NDUFA9: variants seen among roughly 807,000 people sequenced by gnomAD.
The protein encoded by NDUFA9 is NADH dehydrogenase [ubiquinone] 1 alpha subcomplex subunit 9, mitochondrial.
In NDUFA9, 23 loss-of-function variants were observed where a neutral mutation model predicts 45.9. The observed-to-expected ratio is 0.50, with a 90% CI of 0.36 to 0.71. NDUFA9 has a LOEUF of 0.71. Ranked by LOEUF, NDUFA9 falls within the 30% of genes least tolerant of loss-of-function variation. NDUFA9 has a pLI of 0.00. For synonymous variants in NDUFA9, 176 were observed against 170.5 expected (o/e 1.03, Z -0.25); for missense variants, 466 against 488.2 (o/e 0.95, Z 0.43).
At chr12:4,660,119 A>G (rs370990783) in intron 5 of NDUFA9, among the ~76,000 whole-genome samples, 17 of 152,182 alleles carry the variant, frequency 1.1e-4, no homozygotes, top group African/African-American at 4.1e-4. Context: ...AGATGATAGT[A>G]CTGTTGAATA....
chr12:4,670,787 A>G (rs1487626467), intron 8 of NDUFA9, among the ~76,000 whole-genome samples: 1 of 152,238 alleles, frequency 6.6e-6, no homozygotes, highest in East Asian at 1.9e-4. Flanking sequence ...TAAGAATTAC[A>G]ATTCAATATA....
chr12:4,677,116 G>T (rs111276019), intron 8 of NDUFA9, among the ~76,000 whole-genome samples: 1 of 152,078 alleles, frequency 6.6e-6, no homozygotes, highest in East Asian at 1.9e-4. Flanking sequence ...AGCTGAAACT[G>T]GATCCTTTCC....
intron 4 of NDUFA9, 68 bp from the exon 5 acceptor site, chr12:4,658,968 T>C: frequency 6.9e-7 from 1 of 1,444,992 alleles, no homozygotes; most frequent in Non-Finnish European, 9.5e-7. Flanking sequence ...AAAACCATCT[T>C]ATCACGTAAA....
chr12:4,680,942 C>A (rs371807212), intron 8 of NDUFA9, among the ~76,000 whole-genome samples: 1 of 152,046 alleles, frequency 6.6e-6, no homozygotes, highest in South Asian at 2.1e-4. Flanking sequence ...TGGAATAGAG[C>A]GGAACGTTCA....
At chr12:4,662,930 A>G (rs1945831928) in intron 6 of NDUFA9, among the ~76,000 whole-genome samples, 1 of 152,196 alleles carries the variant, frequency 6.6e-6, no homozygotes, top group Non-Finnish European at 1.5e-5. Flanking sequence ...ATCACATGGA[A>G]TAGTTTCTCT....
intron 7 of NDUFA9, among the ~76,000 whole-genome samples, chr12:4,669,478 G>C (rs1448939466): frequency 6.6e-6 from 1 of 152,160 alleles, no homozygotes; most frequent in Non-Finnish European, 1.5e-5. Flanking sequence ...GATGAGCCTT[G>C]GATTATGCGT....
chr12:4,691,145 T>A lies in NDUFA9; in HGVS notation c.*4037T>A, dbSNP rs1362637546. The A allele has an allele frequency of 6.6e-6, 1 of 152,192 alleles. No individual in the cohort carries two copies. Among genetic ancestry groups the A allele is most frequent in the Non-Finnish European group, 1.5e-5 (1 of 68,038 alleles). The allele number at this position is 152,192 out of a possible 1,614,324, so 9.4% of individuals were successfully genotyped here. A position where few individuals can be genotyped will look rare whatever the true frequency, so the allele number is the denominator to read the frequency against. ...TTGACCTCTCTTTGTCAGCCTCAGTTTTCTTGTTTATAAAATGGGGGTGAT... is the reference window on the plus strand; with the variant it reads ...TTGACCTCTCTTTGTCAGCCTCAGTATTCTTGTTTATAAAATGGGGGTGAT... On this transcript the variant is annotated 3_prime_UTR_variant, in exon 11 of 11. Transcript: ENST00000266544.
At position 4,673,512 on chromosome 12, in the gene NDUFA9, C is replaced by T. The variant is rs143227350; in HGVS notation, c.800+3695C>T. On this transcript the variant is annotated intron_variant, in intron 8 of 10. Coordinates refer to ENST00000266544, the MANE Select transcript of NDUFA9 (RefSeq NM_005002.5). ...CCTGATGGAGCTGAAAAACACAGCA[C>T]GAGAACTTTGTGAAGCATACACAAG... 7.1e-3 allele frequency among the ~76,000 whole-genome samples: 1,077 copies of T among 152,242 alleles called. 9 individuals carry two copies. The highest frequency in any genetic ancestry group is 0.025 in the African/African-American group (1,036 of 41,518).
intron 1 of NDUFA9, among the ~76,000 whole-genome samples, chr12:4,652,247 C>A (rs1289696816): frequency 6.6e-6 from 1 of 152,176 alleles, no homozygotes. Context: ...CATTCCCTTT[C>A]CTGAATCAGT....
intron 5 of NDUFA9, among the ~76,000 whole-genome samples, chr12:4,661,285 A>G (rs1397258841): frequency 6.6e-6 from 1 of 152,176 alleles, no homozygotes. Flanking sequence ...TAGAAGGCAG[A>G]GTCATTTACT....
In NDUFA9 at chr12:4,690,419, T is replaced by C. The variant is rs1946012975; in HGVS notation, c.*3311T>C. ...TCATCCTAATGACAAAAATAAGTTC[T>C]ATGGGCTGGGCGCGGTGGCTCTTGC... On this transcript the variant is annotated 3_prime_UTR_variant, in exon 11 of 11. Coordinates refer to ENST00000266544, the MANE Select transcript of NDUFA9 (RefSeq NM_005002.5). The C allele has an allele frequency of 6.6e-6, 1 of 152,240 alleles. No homozygotes were observed. The highest frequency in any genetic ancestry group is 2.4e-5 in the African/African-American group (1 of 41,450). The allele number at this position is 152,240 out of a possible 1,614,324, so 9.4% of individuals were successfully genotyped here. A position where few individuals can be genotyped will look rare whatever the true frequency, so the allele number is the denominator to read the frequency against.
intron 5 of NDUFA9, among the ~76,000 whole-genome samples, chr12:4,659,963 ATAAG>A (rs1945814459): frequency 6.6e-6 from 1 of 152,214 alleles, no homozygotes; most frequent in Non-Finnish European, 1.5e-5. Context: ...TAGAGAGAAA[ATAAG>A]AGAGAGAATG....
At chr12:4,672,270 C>T (rs1945891820) in intron 8 of NDUFA9, among the ~76,000 whole-genome samples, 1 of 152,226 alleles carries the variant, frequency 6.6e-6, no homozygotes, top group Non-Finnish European at 1.5e-5. Context: ...GCCCATGCCA[C>T]CAGGGCCCTG....
chr12:4,664,049 T>A (rs867325352), intron 6 of NDUFA9, among the ~76,000 whole-genome samples: 3 of 152,278 alleles, frequency 2.0e-5, no homozygotes, highest in Middle Eastern at 3.4e-3. Context: ...TACAAAGTAT[T>A]GAAGAAATGC....
chr12:4,662,478 A>G, intron 5 of NDUFA9, 55 bp from the exon 6 acceptor site: 4 of 1,311,396 alleles, frequency 3.1e-6, no homozygotes, highest in South Asian at 1.2e-5. Flanking sequence ...GAAAGAATGG[A>G]TGCTTTATTC....
chr12:4,668,681 C>T (rs1945867711), intron 7 of NDUFA9, 157 bp downstream of exon 7: 10 of 656,324 alleles, frequency 1.5e-5, no homozygotes, highest in Non-Finnish European at 2.4e-5. Context: ...AGGTACATGC[C>T]TTCTCTGTGT....
rs757498648 is a variant in NDUFA9, at chr12:4,682,306, T to TAG, written c.896+9_896+10dup. On this transcript the variant is annotated splice_region_variant and intron_variant, in intron 9 of 10. Transcript: ENST00000266544. ...TTGCCGCTTTTTGCCTATCGGTAAGTAGAGTGCTCCTTTTGTGTGACTTCT... is the reference window on the plus strand; with the variant it reads ...TTGCCGCTTTTTGCCTATCGGTAAGTAGAGAGTGCTCCTTTTGTGTGACTTCT... The TAG allele has an allele frequency of 6.3e-7, 1 of 1,596,664 alleles. No individual in the cohort carries two copies. The highest frequency in any genetic ancestry group is 8.6e-7 in the Non-Finnish European group (1 of 1,164,676).
At chr12:4,670,526 A>G (rs556534866) in intron 8 of NDUFA9, among the ~76,000 whole-genome samples, 15 of 152,342 alleles carry the variant, frequency 9.8e-5, no homozygotes, top group African/African-American at 3.4e-4. Flanking sequence ...TAATTAAGGG[A>G]TAGCCTAATT....
chr12:4,669,664 C>T, intron 7 of NDUFA9, 77 bp from the exon 8 acceptor site: 17 of 923,816 alleles, frequency 1.8e-5, no homozygotes, highest in South Asian at 9.7e-5. Context: ...CTCTTCTTTC[C>T]TTTCTTTCTA....
Sources: allele counts gnomAD v4.1 joint callset (sites outside exome capture counted in the v4.1 genomes callset), GRCh38; gene constraint gnomAD v4.1.1; transcripts MANE v1.5; gene names NCBI Gene and HGNC (gene_info 2026-07-23, HGNC 2026-07-21).